The following CWC27 variants were observed in gnomAD, a reference collection of about 807,000 sequenced individuals.
CWC27 encodes CWC27 spliceosome associated cyclophilin.
A neutral mutation model predicts 63.6 loss-of-function variants in CWC27; 47 were observed. That is an observed-to-expected ratio of 0.74 (90% CI 0.58 to 0.94). The LOEUF (loss-of-function observed/expected upper bound fraction) is 0.94, where lower values mean the gene tolerates loss of function less well. CWC27 is among the 40% of genes least tolerant of loss of function. The probability of loss-of-function intolerance (pLI) is 0.00; values close to 1 mark genes in which losing one functional copy is unlikely to be tolerated. For synonymous variants in CWC27, 175 were observed against 179.8 expected (o/e 0.97, Z 0.22); for missense variants, 495 against 554.3 (o/e 0.89, Z 1.07).
intron 10 of CWC27, among the ~76,000 whole-genome samples, chr5:64,855,383 G>C (rs997177414): frequency 1.3e-5 from 2 of 152,082 alleles, no homozygotes; most frequent in African/African-American, 4.8e-5. Flanking sequence ...TAAACAGCCA[G>C]GTGCTTTGTA....
intron 5 of CWC27, 73 bp downstream of exon 5, chr5:64,785,652 A>C (rs1327779370): frequency 5.3e-6 from 5 of 950,812 alleles, no homozygotes; most frequent in Non-Finnish European, 8.2e-6. Flanking sequence ...AGTATTTTTA[A>C]ACTATTGGAT....
chr5:64,955,038 A>G (rs1192069318), intron 11 of CWC27, among the ~76,000 whole-genome samples: 1 of 152,140 alleles, frequency 6.6e-6, no homozygotes, highest in African/African-American at 2.4e-5. Flanking sequence ...GATTTAATAT[A>G]GAGAAATATT....
Position 64,795,544 on chromosome 5 carries a change from T to C in CWC27, c.670-4704T>C, listed in dbSNP as rs78160072. ...CTATTCCCTTGCCTTTTTCAACCTC[T>C]AGAGACTGCCTGTATTCTTTGGTGT... On this transcript the variant is annotated intron_variant, in intron 7 of 13. Transcript: ENST00000381070. Among the ~76,000 whole-genome samples, 1,156 of 152,250 alleles carry C rather than the reference T, an allele frequency of 7.6e-3. 19 individuals are homozygous for C. The highest frequency in any genetic ancestry group is 0.027 in the African/African-American group (1,112 of 41,562).
At chr5:64,934,161 G>A (rs532032429) in intron 11 of CWC27, among the ~76,000 whole-genome samples, 1 of 152,242 alleles carries the variant, frequency 6.6e-6, no homozygotes, top group African/African-American at 2.4e-5. Flanking sequence ...GTGCAGGTTT[G>A]TTACATAGGT....
At chr5:64,807,569 T>G in intron 10 of CWC27, 1 of 1,505,024 alleles carries the variant, frequency 6.6e-7, no homozygotes, top group Middle Eastern at 1.8e-4. Flanking sequence ...CTTCCCTTTT[T>G]AAAATGTACC....
In CWC27 at chr5:64,769,059, G is replaced by C. The variant is rs1743139407; in HGVS notation, c.-88G>C. The C allele has an allele frequency of 9.2e-7, 1 of 1,081,122 alleles. No individual in the cohort carries two copies. Among genetic ancestry groups the C allele is most frequent in the Non-Finnish European group, 1.4e-6 (1 of 700,484 alleles). 67.0% of individuals were successfully genotyped at this position (1,081,122 alleles called of 1,614,324 possible). On this transcript the variant is annotated 5_prime_UTR_variant, in exon 1 of 14. Coordinates refer to ENST00000381070, the MANE Select transcript of CWC27 (RefSeq NM_005869.4). ...GCTTTCCTGCACCACTGGACTTAAG[G>C]AAGAGTGTACTCGTAGGCGGACAGC... is the stretch of plus-strand genomic sequence containing the variant.
At chr5:64,885,197 T>C (rs1404274133) in intron 10 of CWC27, among the ~76,000 whole-genome samples, 1 of 152,138 alleles carries the variant, frequency 6.6e-6, no homozygotes, top group Non-Finnish European at 1.5e-5. Flanking sequence ...TAATGGGTCA[T>C]TTATCACATA....
chr5:64,943,986 T>A (rs189259187), intron 11 of CWC27, among the ~76,000 whole-genome samples: 19 of 152,170 alleles, frequency 1.2e-4, no homozygotes, highest in African/African-American at 4.3e-4. Flanking sequence ...TGCCCACCTA[T>A]AACTAAGGAT....
Position 64,780,511 on chromosome 5 carries a change from GATC to G in CWC27, c.140-1407_140-1405del, listed in dbSNP as rs574763095. The stretch of plus-strand genomic sequence containing the variant: ...TATGATGTTTTGTAAAAGCAAATCT[GATC>G]ATGTGCACAGTGATATATATATTAT... On this transcript the variant is annotated intron_variant, in intron 2 of 13. Transcript: ENST00000381070. Among the ~76,000 whole-genome samples the G allele has an allele frequency of 1.7e-3, 256 of 148,196 alleles. 1 individual carries two copies. Among genetic ancestry groups the G allele is most frequent in the African/African-American group, 6.2e-3 (252 of 40,782 alleles).
At chr5:65,011,000 G>A (rs1271975628) in intron 13 of CWC27, among the ~76,000 whole-genome samples, 1 of 152,166 alleles carries the variant, frequency 6.6e-6, no homozygotes, top group African/African-American at 2.4e-5. Flanking sequence ...CATTTATTGA[G>A]GGCATTCTTC....
chr5:64,967,769 GA>G (rs1390639632), intron 11 of CWC27, among the ~76,000 whole-genome samples: 2 of 151,712 alleles, frequency 1.3e-5, no homozygotes, highest in Non-Finnish European at 2.9e-5. Flanking sequence ...AAATCAACTT[GA>G]AATAAATTAT....
chr5:64,860,936 G>T lies in CWC27; in HGVS notation c.939-24507G>T, dbSNP rs375774233. Among the ~76,000 whole-genome samples, 453 of 152,270 alleles carry T rather than the reference G, an allele frequency of 3.0e-3. 3 individuals are homozygous for T. Among genetic ancestry groups the T allele is most frequent in the African/African-American group, 0.01 (429 of 41,566 alleles). On this transcript the variant is annotated intron_variant, in intron 10 of 13. Transcript: ENST00000381070. ...TCAAACTCAGTAACTAAAACAAGCA[G>T]CTCATAATTTTTTTAGGTCAGAGAT...
Position 64,933,392 on chromosome 5 carries a change from A to G in CWC27, c.1043-38311A>G, listed in dbSNP as rs75999575. 1.5e-3 allele frequency among the ~76,000 whole-genome samples: 223 copies of G among 152,254 alleles called. 2 individuals are homozygous for G. The highest frequency in any genetic ancestry group is 2.3e-3 in the Admixed American group (35 of 15,288). On this transcript the variant is annotated intron_variant, in intron 11 of 13. Transcript: ENST00000381070. The stretch of plus-strand genomic sequence containing the variant: ...GCAGAAAACAGTACAATGAACTCAT[A>G]TATCTTTTACCTCGATTTGCCAGTC...
intron 3 of CWC27, among the ~76,000 whole-genome samples, 181 bp downstream of exon 3, chr5:64,782,214 G>A (rs1327923813): frequency 2.0e-5 from 3 of 152,064 alleles, no homozygotes; most frequent in Non-Finnish European, 4.4e-5. Flanking sequence ...TTGGGAAGCC[G>A]AGGGGGGCGG....
intron 7 of CWC27, among the ~76,000 whole-genome samples, chr5:64,794,704 T>C (rs976098445): frequency 5.3e-5 from 8 of 152,152 alleles, no homozygotes; most frequent in Non-Finnish European, 7.4e-5. Context: ...GATCCTAGAC[T>C]TCAAATATTT....
At chr5:64,933,436 T>A (rs1304814015) in intron 11 of CWC27, among the ~76,000 whole-genome samples, 1 of 152,158 alleles carries the variant, frequency 6.6e-6, no homozygotes, top group Non-Finnish European at 1.5e-5. Flanking sequence ...TTTTTAATAT[T>A]TGCACATTGC....
chr5:64,873,031 A>G (rs1746711838), intron 10 of CWC27, among the ~76,000 whole-genome samples: 1 of 152,208 alleles, frequency 6.6e-6, no homozygotes, highest in African/African-American at 2.4e-5. Context: ...TCAGTTTTTC[A>G]TGAAAATGAT....
intron 11 of CWC27, among the ~76,000 whole-genome samples, chr5:64,907,785 C>T (rs6893464): frequency 0.095 from 14,424 of 152,126 alleles, 2,085 homozygotes; most frequent in African/African-American, 0.31. Flanking sequence ...ATTCAGTATA[C>T]TGGCTGTGGG....
Position 64,997,220 on chromosome 5 carries a change from C to T in CWC27, c.1256+19982C>T, listed in dbSNP as rs1309541. On this transcript the variant is annotated intron_variant, in intron 13 of 13. Transcript: ENST00000381070. ...TATGAATATGGGATTTGGAGTCAGACCTGAATTTGAATCCCAACTTGGAAA... is the reference window on the plus strand; with the variant it reads ...TATGAATATGGGATTTGGAGTCAGATCTGAATTTGAATCCCAACTTGGAAA... Among the ~76,000 whole-genome samples, 482 of 152,158 alleles carry T rather than the reference C, an allele frequency of 3.2e-3. 1 individual carries two copies. The highest frequency in any genetic ancestry group is 5.2e-3 in the Non-Finnish European group (355 of 67,962).
Sources: gnomAD v4.1 joint callset for allele counts (sites outside exome capture counted in the v4.1 genomes callset) on GRCh38, gnomAD v4.1.1 for gene constraint, MANE v1.5 for transcripts, NCBI Gene and HGNC (gene_info 2026-07-23, HGNC 2026-07-21) for gene names.